Variants in SGK1 observed in about 807,000 individuals in gnomAD.
SGK1 encodes serine/threonine-protein kinase Sgk1.
Under a neutral mutation model 64.2 loss-of-function variants are expected in SGK1, and 26 were observed. The ratio of observed to expected loss-of-function variants is 0.40; its 90% CI spans 0.30 to 0.56. The LOEUF is 0.56. Among genes scored for constraint, SGK1 ranks in the 20% least tolerant of loss-of-function variants. SGK1 has a pLI of 0.38. For missense variants in SGK1, 519 were observed against 645.6 expected (o/e 0.80, Z 2.12); for synonymous variants, 265 against 239.7 (o/e 1.11, Z -0.98).
intron 2 of SGK1, among the ~76,000 whole-genome samples, chr6:134,249,020 T>C (rs1776566836): frequency 6.6e-6 from 1 of 152,182 alleles, no homozygotes; most frequent in Non-Finnish European, 1.5e-5. Flanking sequence ...ATTTTTCTCA[T>C]GTCAGTAATG....
At chr6:134,247,153 C>G (rs1045801115) in intron 2 of SGK1, among the ~76,000 whole-genome samples, 1 of 152,138 alleles carries the variant, frequency 6.6e-6, no homozygotes, top group Non-Finnish European at 1.5e-5. Context: ...CCTTCCCCAC[C>G]ACCATTCCAC....
chr6:134,215,134 CTTTT>C (rs202041836), intron 2 of SGK1: 40,599 of 392,132 alleles, frequency 0.1, 4,004 homozygotes, highest in Admixed American at 0.31. Context: ...TTCTTTCTTT[CTTTT>C]TTTTTTTTTG....
intron 1 of SGK1, among the ~76,000 whole-genome samples, chr6:134,300,327 A>G (rs1777429184): frequency 6.6e-6 from 1 of 151,914 alleles, no homozygotes; most frequent in African/African-American, 2.4e-5. Flanking sequence ...TCACGAGGTC[A>G]GAAGATTAAG....
intron 3 of SGK1, among the ~76,000 whole-genome samples, chr6:134,191,333 T>G (rs1342664873): frequency 6.6e-6 from 1 of 152,192 alleles, no homozygotes; most frequent in African/African-American, 2.4e-5. Context: ...CCATACAATA[T>G]TCCTGACAAC....
intron 1 of SGK1, among the ~76,000 whole-genome samples, chr6:134,285,717 T>C (rs994347067): frequency 6.6e-6 from 1 of 152,072 alleles, no homozygotes; most frequent in African/African-American, 2.4e-5. Flanking sequence ...GACTTTTTGA[T>C]GGGGTTTTTT....
chr6:134,172,534 T>G (rs909166666), intron 9 of SGK1, 128 bp downstream of exon 9: 34 of 786,472 alleles, frequency 4.3e-5, no homozygotes, highest in Non-Finnish European at 6.4e-5. Flanking sequence ...CCAGCTCACG[T>G]GCTAGGGGAT....
intron 1 of SGK1, among the ~76,000 whole-genome samples, chr6:134,273,954 C>T (rs1776981499): frequency 6.6e-6 from 1 of 152,092 alleles, no homozygotes; most frequent in South Asian, 2.1e-4. Context: ...CCGCTGCACC[C>T]AGCTCACTGA....
intron 2 of SGK1, among the ~76,000 whole-genome samples, chr6:134,234,090 G>T (rs1776328728): frequency 1.3e-5 from 2 of 152,116 alleles, no homozygotes; most frequent in South Asian, 2.1e-4. Context: ...TTTAATAATA[G>T]AACATTTTAA....
At chr6:134,300,251 GT>G (rs1275095007) in intron 1 of SGK1, among the ~76,000 whole-genome samples, 1 of 152,046 alleles carries the variant, frequency 6.6e-6, no homozygotes, top group Non-Finnish European at 1.5e-5. Flanking sequence ...AAAGATGGTG[GT>G]GGCAGGCGGG....
chr6:134,232,417 A>AAGAGAGAG lies in SGK1; in HGVS notation c.286-24987_286-24986insCTCTCTCT, dbSNP rs1562259714. ...GAAAGAAGAAAAAGAAAGAAAGAGA[A>AAGAGAGAG]AGAAAGAAAGAAAGAAAGAAAGAAA... On this transcript the variant is annotated intron_variant, in intron 2 of 13. Coordinates refer to ENST00000367858, the MANE Select transcript of SGK1 (RefSeq NM_001143676.3). Among the ~76,000 whole-genome samples the AAGAGAGAG allele has an allele frequency of 3.5e-3, 75 of 21,560 alleles. 10 individuals are homozygous for AAGAGAGAG. Among genetic ancestry groups the AAGAGAGAG allele is most frequent in the Non-Finnish European group, 6.6e-3 (60 of 9,090 alleles). 14.1% of individuals were successfully genotyped at this position (21,560 alleles called of 152,430 possible).
intron 3 of SGK1, among the ~76,000 whole-genome samples, chr6:134,184,267 G>A (rs1281816022): frequency 6.6e-6 from 1 of 152,000 alleles, no homozygotes; most frequent in Non-Finnish European, 1.5e-5. Context: ...GGGAGGCTGA[G>A]GCGGGCAGAT....
chr6:134,207,554 TCTAATTAGGGTGGTTTTCTCAGGAC>T, intron 2 of SGK1, 123 bp from the exon 3 acceptor site: 1 of 704,362 alleles, frequency 1.4e-6, no homozygotes, highest in Non-Finnish European at 2.5e-6. Flanking sequence ...ATGTCTGTGC[TCTAATTAGGGTGGTTTTCTCAGGAC>T]CGTGCTGGGT....
intron 2 of SGK1, among the ~76,000 whole-genome samples, chr6:134,255,083 T>C (rs938498665): frequency 2.6e-5 from 4 of 152,138 alleles, no homozygotes; most frequent in African/African-American, 4.8e-5. Flanking sequence ...TTGGCCAGGC[T>C]GGTCTCAAAC....
intron 2 of SGK1, among the ~76,000 whole-genome samples, chr6:134,244,516 G>C (rs1306923316): frequency 1.3e-5 from 2 of 152,240 alleles, no homozygotes; most frequent in East Asian, 3.9e-4. Context: ...GGGCTGGATA[G>C]CACCGTCCCT....
In SGK1 at chr6:134,182,468, C is replaced by T. The variant is rs1198241363; in HGVS notation, c.362-7882G>A. On this transcript the variant is annotated intron_variant, in intron 3 of 13. Transcript: ENST00000367858. ...CTGGGATTATGCCACTGCACTCCAG[C>T]CCGGGCAACACAGCGAGACTCCGTC... Among the ~76,000 whole-genome samples, 3 of 151,494 alleles carry T rather than the reference C, an allele frequency of 2.0e-5. No individual in the cohort carries two copies. In the East Asian group the frequency reaches 5.9e-4, roughly 30 times the overall value.
chr6:134,290,581 T>TATAC (rs973984105), intron 1 of SGK1, among the ~76,000 whole-genome samples: 33 of 152,070 alleles, frequency 2.2e-4, no homozygotes, highest in African/African-American at 7.7e-4. Context: ...ATGAAGAGTG[T>TATAC]AGTTCACAGT....
chr6:134,316,465 G>A (rs1373226818), intron 1 of SGK1, among the ~76,000 whole-genome samples: 1 of 152,040 alleles, frequency 6.6e-6, no homozygotes, highest in Non-Finnish European at 1.5e-5. Context: ...AGGAAACACT[G>A]TCCTTAAGAG....
chr6:134,254,293 GC>G (rs1164048700), intron 2 of SGK1, among the ~76,000 whole-genome samples: 1 of 152,084 alleles, frequency 6.6e-6, no homozygotes, highest in East Asian at 1.9e-4. Flanking sequence ...ACATGGACAC[GC>G]ACACACATAT....
intron 2 of SGK1, among the ~76,000 whole-genome samples, chr6:134,255,069 C>T (rs928473553): frequency 1.3e-5 from 2 of 152,174 alleles, no homozygotes; most frequent in South Asian, 2.1e-4. Context: ...AGGGTTTCAC[C>T]ATGTTGGCCA....
Sources: gnomAD v4.1 joint callset for allele counts (sites outside exome capture counted in the v4.1 genomes callset) on GRCh38, gnomAD v4.1.1 for gene constraint, MANE v1.5 for transcripts, NCBI Gene and HGNC (gene_info 2026-07-23, HGNC 2026-07-21) for gene names.